The following ADARB2 variants were observed in gnomAD, a reference collection of about 807,000 sequenced individuals.
The protein encoded by ADARB2 is adenosine deaminase RNA specific B2 (inactive).
ADARB2 carries 25 observed loss-of-function variants against 62.2 expected under a neutral mutation model. The observed-to-expected ratio is 0.40, with a 90% confidence interval of 0.29 to 0.56. The LOEUF (loss-of-function observed/expected upper bound fraction) is 0.56. ADARB2 is among the 20% of genes least tolerant of loss of function. ADARB2 has a pLI of 0.43. For synonymous variants in ADARB2, 572 were observed against 500.8 expected (o/e 1.14, Z -1.90); for missense variants, 1,071 against 1,077.4 (o/e 0.99, Z 0.08).
In ADARB2 at chr10:1,269,126, A is replaced by C. The variant is rs11250377; in HGVS notation, c.1192+1829T>G. 1.1e-3 allele frequency among the ~76,000 whole-genome samples: 160 copies of C among 147,866 alleles called. 1 individual carries two copies. In the East Asian group the frequency reaches 0.023, roughly 21 times the overall value. On this transcript the variant is annotated intron_variant, in intron 4 of 9. Coordinates refer to ENST00000381312, the MANE Select transcript of ADARB2 (RefSeq NM_018702.4). ...CCTCCCCTTTCTACTCCCTCCCCCT[A>C]CCCTTCCTCCTTTCCTTTTCATACC...
At chr10:1,624,443 C>T (rs528030129) in intron 1 of ADARB2, among the ~76,000 whole-genome samples, 5 of 152,200 alleles carry the variant, frequency 3.3e-5, no homozygotes. Context: ...AGCTGGGAGC[C>T]GAGCACGCCC....
intron 1 of ADARB2, among the ~76,000 whole-genome samples, chr10:1,608,929 T>G (rs1833531760): frequency 6.6e-6 from 1 of 152,128 alleles, no homozygotes; most frequent in Non-Finnish European, 1.5e-5. Flanking sequence ...CGGATGGCCA[T>G]GCCCTATTGT....
intron 3 of ADARB2, among the ~76,000 whole-genome samples, chr10:1,310,265 G>A (rs1246627183): frequency 1.3e-5 from 2 of 152,200 alleles, no homozygotes; most frequent in Non-Finnish European, 2.9e-5. Context: ...CTGGCACTGA[G>A]AGACACTCCC....
rs1033217111 is a variant in ADARB2 at position 1,419,254 on chromosome 10, C to A, written c.101-40094G>T. 2.6e-5 allele frequency among the ~76,000 whole-genome samples: 4 copies of A among 152,082 alleles called. No homozygotes were observed. In the South Asian group the frequency reaches 8.3e-4, roughly 32 times the overall value. On this transcript the variant is annotated intron_variant, in intron 1 of 9. Transcript: ENST00000381312. ...GATTACAGGCACCCGCCACCACGCC[C>A]GTCTAATTTTTGTATTTTTTTAGTA...
At chr10:1,534,392 C>G (rs1463268809) in intron 1 of ADARB2, among the ~76,000 whole-genome samples, 1 of 152,244 alleles carries the variant, frequency 6.6e-6, no homozygotes, top group Non-Finnish European at 1.5e-5. Context: ...CCCAACTTAG[C>G]CTCCCAAAGT....
intron 1 of ADARB2, among the ~76,000 whole-genome samples, chr10:1,619,292 A>AGG (rs1323953486): frequency 1.6e-5 from 1 of 61,182 alleles, no homozygotes; most frequent in Admixed American, 1.8e-4. Context: ...TTGAAAGTAA[A>AGG]AAAAAAAAAA....
chr10:1,512,782 G>A (rs892788565), intron 1 of ADARB2, among the ~76,000 whole-genome samples: 10 of 152,312 alleles, frequency 6.6e-5, no homozygotes, highest in Admixed American at 3.3e-4. Flanking sequence ...GTGCTCTTAC[G>A]TGTCCCAGTG....
At chr10:1,540,375 C>A (rs1029333035) in intron 1 of ADARB2, among the ~76,000 whole-genome samples, 1 of 145,158 alleles carries the variant, frequency 6.9e-6, no homozygotes, top group Non-Finnish European at 1.5e-5. Context: ...CTGGCTGCCT[C>A]AAGGAATGTT....
At chr10:1,701,992 CTG>C (rs1420406923) in intron 1 of ADARB2, among the ~76,000 whole-genome samples, 2 of 152,186 alleles carry the variant, frequency 1.3e-5, no homozygotes, top group Non-Finnish European at 2.9e-5. Flanking sequence ...TGAAGAAAGA[CTG>C]TGAAATTTAA....
At chr10:1,640,537 A>T (rs1391740241) in intron 1 of ADARB2, among the ~76,000 whole-genome samples, 1 of 152,212 alleles carries the variant, frequency 6.6e-6, no homozygotes, top group Admixed American at 6.5e-5. Flanking sequence ...AATCATAAAA[A>T]TGGCGGATGC....
chr10:1,662,189 C>A (rs934160161), intron 1 of ADARB2, among the ~76,000 whole-genome samples: 2 of 152,178 alleles, frequency 1.3e-5, no homozygotes, highest in African/African-American at 4.8e-5. Flanking sequence ...TCCAATAACC[C>A]TTCAAAGCAG....
intron 1 of ADARB2, among the ~76,000 whole-genome samples, chr10:1,544,042 T>C (rs931963371): frequency 2.1e-5 from 3 of 144,660 alleles, no homozygotes; most frequent in African/African-American, 7.7e-5. Flanking sequence ...CACAAAATGG[T>C]GACCTCAGGG....
intron 1 of ADARB2, among the ~76,000 whole-genome samples, chr10:1,508,983 C>G (rs1023164295): frequency 1.3e-5 from 2 of 152,126 alleles, no homozygotes; most frequent in African/African-American, 4.8e-5. Flanking sequence ...AGCATGAAGG[C>G]TGGGGAGCTA....
intron 2 of ADARB2, among the ~76,000 whole-genome samples, chr10:1,373,683 A>G (rs1336337877): frequency 6.6e-6 from 1 of 152,194 alleles, no homozygotes; most frequent in Non-Finnish European, 1.5e-5. Context: ...GAGACAGCAC[A>G]GCTCCCCTGC....
At chr10:1,339,933 C>T (rs906163717) in intron 3 of ADARB2, among the ~76,000 whole-genome samples, 4 of 152,116 alleles carry the variant, frequency 2.6e-5, no homozygotes, top group East Asian at 3.8e-4. Context: ...CTTGGTGTCT[C>T]CAGAGGGGCA....
intron 1 of ADARB2, among the ~76,000 whole-genome samples, chr10:1,420,612 G>A (rs12775709): frequency 0.77 from 92,643 of 120,166 alleles, 32,958 homozygotes; most frequent in Middle Eastern, 0.84. Flanking sequence ...CAGAAAGAGG[G>A]AAAAAAAAAA....
At chr10:1,637,795 T>G (rs1478087432) in intron 1 of ADARB2, among the ~76,000 whole-genome samples, 1 of 152,232 alleles carries the variant, frequency 6.6e-6, no homozygotes, top group Non-Finnish European at 1.5e-5. Flanking sequence ...CTCCTGTTTA[T>G]GAGCAAAGCA....
At chr10:1,691,740 G>A (rs982641083) in intron 1 of ADARB2, among the ~76,000 whole-genome samples, 13 of 152,070 alleles carry the variant, frequency 8.5e-5, no homozygotes, top group Non-Finnish European at 1.6e-4. Context: ...GGTTCGTCCC[G>A]CACCACCTCC....
chr10:1,617,573 T>C (rs1055498073), intron 1 of ADARB2, among the ~76,000 whole-genome samples: 16 of 140,050 alleles, frequency 1.1e-4, no homozygotes, highest in African/African-American at 4.1e-4. Flanking sequence ...TTTGTGTGCC[T>C]CTCCAGACAC....
Sources: gnomAD v4.1 joint callset for allele counts (sites outside exome capture counted in the v4.1 genomes callset) on GRCh38, gnomAD v4.1.1 for gene constraint, MANE v1.5 for transcripts, NCBI Gene and HGNC (gene_info 2026-07-23, HGNC 2026-07-21) for gene names.